RABL2B: variants seen among roughly 807,000 people sequenced by gnomAD.
RABL2B encodes the protein RAB, member of RAS oncogene family like 2B, also known as rab-like protein 2B.
Under a neutral mutation model 26.7 loss-of-function variants are expected in RABL2B, and 17 were observed. That is an observed-to-expected ratio of 0.64 (90% CI 0.44 to 0.95). RABL2B has a LOEUF of 0.95. RABL2B is among the 40% of genes least tolerant of loss of function. The pLI, the probability that RABL2B is intolerant of heterozygous loss-of-function variation, is 0.00. For synonymous variants in RABL2B, 70 were observed against 103.9 expected (o/e 0.67, Z 1.99); for missense variants, 170 against 277.2 (o/e 0.61, Z 2.75).
intron 2 of RABL2B, among the ~76,000 whole-genome samples, chr22:50,781,414 G>GAGAGAGAGAGAC (rs1329689629): frequency 3.5e-4 from 52 of 150,584 alleles, no homozygotes; most frequent in African/African-American, 1.2e-3. Flanking sequence ...GAGAGAGAGA[G>GAGAGAGAGAGAC]AGAGAGAGAC....
intron 5 of RABL2B, chr22:50,773,021 C>G: frequency 7.9e-7 from 1 of 1,258,738 alleles, no homozygotes; most frequent in Non-Finnish European, 1.0e-6. Context: ...CCTGCAGACA[C>G]AGGCATGGTG....
chr22:50,778,584 C>A (rs1188092522), intron 2 of RABL2B, among the ~76,000 whole-genome samples: 4 of 152,136 alleles, frequency 2.6e-5, no homozygotes, highest in Non-Finnish European at 5.9e-5. Flanking sequence ...TTGGTCACTC[C>A]TCTCTGCAAA....
chr22:50,780,019 G>A (rs549546678), intron 2 of RABL2B, among the ~76,000 whole-genome samples: 1 of 152,186 alleles, frequency 6.6e-6, no homozygotes, highest in African/African-American at 2.4e-5. Flanking sequence ...TAAGCAGTAT[G>A]ATCACCTGGG....
chr22:50,770,403 G>A (rs2083967289), intron 5 of RABL2B: 1 of 275,896 alleles, frequency 3.6e-6, no homozygotes, highest in Non-Finnish European at 7.1e-6. Flanking sequence ...TGTAATCTCA[G>A]CTACTTGGGA....
intron 5 of RABL2B, chr22:50,772,197 T>C: frequency 6.9e-6 from 2 of 291,932 alleles, no homozygotes; most frequent in Non-Finnish European, 1.0e-5. Flanking sequence ...CCTGGCTAAT[T>C]TTTGTATTTC....
At position 50,769,676 on chromosome 22, in the gene RABL2B, C is replaced by T. The variant is rs2083851949; in HGVS notation, c.410-124G>A. ...AGGCAGGGATGATTGGGAAACAGGT[C>T]CTAGAAAGAGCTCAGTTAATAGGGA... is the stretch of plus-strand genomic sequence containing the variant. On this transcript the variant is annotated intron_variant, in intron 6 of 8. Transcript: ENST00000691320. The T allele has an allele frequency of 2.6e-6, 4 of 1,515,672 alleles. No homozygotes were observed. The East Asian group carries it at 9.1e-5, about 34-fold the overall frequency. 93.9% of individuals were successfully genotyped at this position (1,515,672 alleles called of 1,614,324 possible).
intron 4 of RABL2B, among the ~76,000 whole-genome samples, 167 bp from the exon 5 acceptor site, chr22:50,776,018 T>C (rs1462456761): frequency 6.6e-6 from 1 of 152,140 alleles, no homozygotes; most frequent in Non-Finnish European, 1.5e-5. Flanking sequence ...CAAGACACAG[T>C]GTACCTGAGT....
At chr22:50,774,480 C>T (rs2084673258) in intron 5 of RABL2B, among the ~76,000 whole-genome samples, 1 of 149,784 alleles carries the variant, frequency 6.7e-6, no homozygotes, top group Non-Finnish European at 1.5e-5. Context: ...GGGAGTAGAA[C>T]CTGCTGGTGG....
chr22:50,770,839 C>G (rs1331548711), intron 5 of RABL2B, among the ~76,000 whole-genome samples: 6 of 151,084 alleles, frequency 4.0e-5, no homozygotes, highest in Admixed American at 6.6e-5. Context: ...AACCTCAAAA[C>G]TCCTGGGCTC....
chr22:50,774,768 G>C lies in RABL2B; in HGVS notation c.297+1004C>G, dbSNP rs574969198. 2.2e-3 allele frequency among the ~76,000 whole-genome samples: 332 copies of C among 151,790 alleles called. 2 individuals carry two copies. The highest frequency in any genetic ancestry group is 7.9e-3 in the African/African-American group (325 of 41,360). On this transcript the variant is annotated intron_variant, in intron 5 of 8. Transcript: ENST00000691320. ...ATTACTTTCTGCATTGTTGATGGCT[G>C]ATATTCATGAAAATGTGGGTTTTTT...
chr22:50,770,041 T>C (rs781921900), intron 5 of RABL2B, 25 bp from the exon 6 acceptor site: 10 of 1,613,634 alleles, frequency 6.2e-6, no homozygotes, highest in East Asian at 4.5e-5. Flanking sequence ...GGAAGAAAGA[T>C]AGCTCAGGTA....
chr22:50,773,293 G>A (rs1318213990), intron 5 of RABL2B, among the ~76,000 whole-genome samples: 1 of 152,142 alleles, frequency 6.6e-6, no homozygotes, highest in African/African-American at 2.4e-5. Context: ...TAAAGCTTTT[G>A]GAATTTTTCA....
At position 50,768,436 on chromosome 22, in the gene RABL2B, A is replaced by C; in HGVS notation, c.*340T>G. 1 of 371,634 alleles carries C rather than the reference A, an allele frequency of 2.7e-6. No individual in the cohort carries two copies. The highest frequency in any genetic ancestry group is 6.6e-5 in the East Asian group (1 of 15,248). The allele number at this position is 371,634 out of a possible 1,614,324, so 23.0% of individuals were successfully genotyped here. On this transcript the variant is annotated 3_prime_UTR_variant, in exon 9 of 9. Transcript: ENST00000691320. ...AAACAAAAACAAAAACAAAAACACC[A>C]AAAAACACCTAAATTTCCTGTATTA...
intron 5 of RABL2B, chr22:50,770,281 T>A (rs1344319374): frequency 2.1e-6 from 1 of 480,766 alleles, no homozygotes; most frequent in African/African-American, 2.0e-5. Flanking sequence ...TTTGGGAGGT[T>A]GAGGTGGGTC....
chr22:50,770,525 C>T (rs1436317159), intron 5 of RABL2B: 1 of 159,678 alleles, frequency 6.3e-6, no homozygotes, highest in African/African-American at 2.4e-5. Flanking sequence ...CTGAAATAAA[C>T]AAATAAATAA....
rs566033932 is a variant in RABL2B, at chr22:50,773,892, G to A, written c.297+1880C>T. Among the ~76,000 whole-genome samples, 372 of 151,238 alleles carry A rather than the reference G, an allele frequency of 2.5e-3. 2 individuals are homozygous for A. The highest frequency in any genetic ancestry group is 7.8e-3 in the African/African-American group (322 of 41,128). ...GTGTCTAAATGCTATGGGGTGCCAT[G>A]GCAGACTTTATTTTTTTTTTGAGAC... On this transcript the variant is annotated intron_variant, in intron 5 of 8. Transcript: ENST00000691320.
intron 4 of RABL2B, among the ~76,000 whole-genome samples, chr22:50,776,146 G>A (rs1252641137): frequency 6.6e-6 from 1 of 152,088 alleles, no homozygotes; most frequent in African/African-American, 2.4e-5. Context: ...CGTTTCCCAC[G>A]TGACACGCAG....
At position 50,776,600 on chromosome 22, in the gene RABL2B, C is replaced by G. The variant is rs2592661; in HGVS notation, c.217+70G>C. 78,323 of 1,525,284 alleles carry G rather than the reference C, an allele frequency of 0.051. 3,064 individuals are homozygous for G. Among genetic ancestry groups the G allele is most frequent in the African/African-American group, 0.18 (12,718 of 70,784 alleles). 94.5% of individuals were successfully genotyped at this position (1,525,284 alleles called of 1,614,324 possible). On this transcript the variant is annotated intron_variant, in intron 4 of 8. Coordinates refer to ENST00000691320, the MANE Select transcript of RABL2B (RefSeq NM_001130919.3). ...TCTGGACTCTCTCCTTATGAACCTTCCCTCACCTCCCCTCGTCTCCCATTT... is the reference window on the plus strand; with the variant it reads ...TCTGGACTCTCTCCTTATGAACCTTGCCTCACCTCCCCTCGTCTCCCATTT...
chr22:50,773,166 A>G, intron 5 of RABL2B: 1 of 1,252,970 alleles, frequency 8.0e-7, no homozygotes, highest in African/African-American at 1.6e-5. Context: ...TAGGCCTGAA[A>G]CCAAACTGGC....
Sources: gnomAD v4.1 joint callset for allele counts (sites outside exome capture counted in the v4.1 genomes callset) on GRCh38, gnomAD v4.1.1 for gene constraint, MANE v1.5 for transcripts, NCBI Gene and HGNC (gene_info 2026-07-23, HGNC 2026-07-21) for gene names.